The following CSMD1 variants were observed in gnomAD, a reference collection of about 807,000 sequenced individuals.
CSMD1 encodes CUB and Sushi multiple domains 1, also known as CUB and sushi domain-containing protein 1.
Under a neutral mutation model 417.5 loss-of-function variants are expected in CSMD1, and 213 were observed. The ratio of observed to expected loss-of-function variants is 0.51; its 90% CI spans 0.46 to 0.57. The LOEUF is 0.57. Ranked by LOEUF, CSMD1 falls within the 20% of genes least tolerant of loss-of-function variation. CSMD1 has a pLI of 0.00. For synonymous variants in CSMD1, 2,862 were observed against 1,736.8 expected (o/e 1.65, Z -16.11); for missense variants, 6,923 against 4,529.7 (o/e 1.53, Z -15.17).
intron 3 of CSMD1, among the ~76,000 whole-genome samples, chr8:4,088,316 T>G (rs17068882): frequency 6.4e-4 from 97 of 152,302 alleles, no homozygotes; most frequent in African/African-American, 2.2e-3. Context: ...AAGCTAGAGT[T>G]CACTTTTGAT....
intron 12 of CSMD1, among the ~76,000 whole-genome samples, chr8:3,442,653 A>G (rs1340481217): frequency 6.6e-6 from 1 of 152,190 alleles, no homozygotes; most frequent in Non-Finnish European, 1.5e-5. Flanking sequence ...ATGTTTGCAT[A>G]CTGTTGAAAT....
chr8:4,964,079 G>C (rs546807437), intron 1 of CSMD1, among the ~76,000 whole-genome samples: 2 of 151,788 alleles, frequency 1.3e-5, no homozygotes, highest in Admixed American at 1.3e-4. Flanking sequence ...CTGGCTTTCT[G>C]GGTTTATTTT....
chr8:4,169,502 T>C (rs951136095), intron 3 of CSMD1, among the ~76,000 whole-genome samples: 6 of 152,188 alleles, frequency 3.9e-5, no homozygotes, highest in African/African-American at 1.4e-4. Context: ...ACTGCGGCCT[T>C]GTCTCCATTT....
intron 26 of CSMD1, among the ~76,000 whole-genome samples, chr8:3,282,116 C>T (rs1802785629): frequency 6.6e-6 from 1 of 152,104 alleles, no homozygotes; most frequent in Non-Finnish European, 1.5e-5. Context: ...ATAAATTACC[C>T]AGTCTCAGAT....
intron 5 of CSMD1, among the ~76,000 whole-genome samples, chr8:3,882,767 C>T (rs1806290048): frequency 6.6e-6 from 1 of 152,070 alleles, no homozygotes; most frequent in Non-Finnish European, 1.5e-5. Flanking sequence ...GTGAAAGAAT[C>T]CAAAAGCAAA....
chr8:3,998,900 T>A (rs1290543709), intron 4 of CSMD1, among the ~76,000 whole-genome samples: 1 of 149,356 alleles, frequency 6.7e-6, no homozygotes, highest in African/African-American at 2.4e-5. Flanking sequence ...ATCTATATGG[T>A]AGTTTATATA....
intron 23 of CSMD1, among the ~76,000 whole-genome samples, chr8:3,316,739 A>C (rs576879431): frequency 1.3e-5 from 2 of 152,156 alleles, no homozygotes; most frequent in African/African-American, 2.4e-5. Flanking sequence ...GTCACGGGAA[A>C]GACTGGAAAG....
At chr8:3,823,248 G>T (rs959839380) in intron 5 of CSMD1, among the ~76,000 whole-genome samples, 3 of 152,126 alleles carry the variant, frequency 2.0e-5, no homozygotes, top group African/African-American at 7.2e-5. Context: ...AAATAGCTGA[G>T]AACTTCAAAG....
At chr8:4,398,731 C>T (rs1172386610) in intron 3 of CSMD1, among the ~76,000 whole-genome samples, 1 of 152,126 alleles carries the variant, frequency 6.6e-6, no homozygotes, top group East Asian at 1.9e-4. Flanking sequence ...CAAACAAATG[C>T]TAACAGATTT....
intron 5 of CSMD1, among the ~76,000 whole-genome samples, chr8:3,775,299 A>G (rs73658256): frequency 0.014 from 2,105 of 152,324 alleles, 41 homozygotes; most frequent in African/African-American, 0.048. Flanking sequence ...TGAACAGAAG[A>G]TGAATCCAGG....
intron 41 of CSMD1, among the ~76,000 whole-genome samples, chr8:3,123,539 A>G (rs1207016328): frequency 2.0e-5 from 3 of 152,104 alleles, no homozygotes; most frequent in South Asian, 4.1e-4. Context: ...GTTTTGCTTT[A>G]AACGTAATAA....
intron 1 of CSMD1, among the ~76,000 whole-genome samples, chr8:4,668,098 G>T (rs1322162920): frequency 1.3e-5 from 2 of 151,984 alleles, no homozygotes; most frequent in Admixed American, 6.5e-5. Flanking sequence ...TACCTTGCAC[G>T]TGTAGCTTTT....
At chr8:3,292,624 G>C (rs1209345433) in intron 25 of CSMD1, among the ~76,000 whole-genome samples, 4 of 152,124 alleles carry the variant, frequency 2.6e-5, no homozygotes, top group Non-Finnish European at 4.4e-5. Flanking sequence ...TTTAAAGTCT[G>C]TTTTATCAGA....
intron 5 of CSMD1, among the ~76,000 whole-genome samples, chr8:3,935,679 G>C (rs1056382344): frequency 2.0e-5 from 3 of 152,092 alleles, no homozygotes; most frequent in Non-Finnish European, 2.9e-5. Context: ...TGTGTGTTCT[G>C]ACTGCTCCAC....
intron 23 of CSMD1, among the ~76,000 whole-genome samples, chr8:3,320,754 G>C (rs937071784): frequency 6.6e-6 from 1 of 152,258 alleles, no homozygotes; most frequent in East Asian, 1.9e-4. Flanking sequence ...TGGCTTGCAG[G>C]TGCCAGCCCA....
At chr8:4,926,462 T>A (rs763639215) in intron 1 of CSMD1, among the ~76,000 whole-genome samples, 14 of 152,212 alleles carry the variant, frequency 9.2e-5, no homozygotes, top group Non-Finnish European at 5.9e-5. Context: ...ACTAGAAGCT[T>A]TGGAATTTCA....
rs79092172 is a variant in CSMD1, at chr8:4,196,858, A to G, written c.416-164759T>C. On this transcript the variant is annotated intron_variant, in intron 3 of 69. Transcript: ENST00000635120. The stretch of plus-strand genomic sequence containing the variant: ...TGATATTTAGCCTGCACATGCCTTC[A>G]TAGAAAACATATAGTGAAAGTTCCG... 0.01 allele frequency among the ~76,000 whole-genome samples: 1,581 copies of G among 152,272 alleles called. 82 individuals are homozygous for G. The East Asian group carries it at 0.17, about 16-fold the overall frequency.
intron 1 of CSMD1, among the ~76,000 whole-genome samples, chr8:4,706,617 T>A (rs1229374798): frequency 6.6e-6 from 1 of 152,250 alleles, no homozygotes; most frequent in African/African-American, 2.4e-5. Context: ...GTCTAGTTAG[T>A]ATAAACAGTA....
intron 1 of CSMD1, among the ~76,000 whole-genome samples, chr8:4,694,775 T>C (rs1286594087): frequency 6.6e-6 from 1 of 152,150 alleles, no homozygotes; most frequent in Non-Finnish European, 1.5e-5. Context: ...TGAGGCTGTG[T>C]CACGGGACTG....
Sources: allele counts gnomAD v4.1 joint callset (sites outside exome capture counted in the v4.1 genomes callset), GRCh38; gene constraint gnomAD v4.1.1; transcripts MANE v1.5; gene names NCBI Gene and HGNC (gene_info 2026-07-23, HGNC 2026-07-21).